LHX6: variants seen among roughly 807,000 people sequenced by gnomAD.
LHX6 encodes LIM homeobox 6.
In LHX6, 15 loss-of-function variants were observed where a neutral mutation model predicts 47.1. That is an observed-to-expected ratio of 0.32 (90% CI 0.21 to 0.49). The LOEUF is 0.49. Ranked by LOEUF, LHX6 falls within the 20% of genes least tolerant of loss-of-function variation. LHX6 has a pLI of 0.99. For synonymous variants in LHX6, 242 were observed against 233.5 expected, an observed-to-expected ratio of 1.04 and a Z score of -0.33; for missense variants, 404 against 539.6, an observed-to-expected ratio of 0.75 and a Z score of 2.49.
At position 122,214,263 on chromosome 9, in the gene LHX6, C is replaced by A; in HGVS notation, c.783+20G>T. ...TTCGGCCCGGCCCCCGCCCCCGCCGCCCACTGCTTGCAGCGGTACCTGCAG... is the reference window on the plus strand; with the variant it reads ...TTCGGCCCGGCCCCCGCCCCCGCCGACCACTGCTTGCAGCGGTACCTGCAG... On this transcript the variant is annotated intron_variant, in intron 6 of 9. Transcript: ENST00000394319. The surrounding 1 kb of genome is among the most constrained non-coding windows in gnomAD (Gnocchi z 4.6). The A allele has an allele frequency of 6.4e-7, 1 of 1,573,116 alleles. No homozygotes were observed. The highest frequency in any genetic ancestry group is 1.1e-5 in the South Asian group (1 of 86,992).
intron 4 of LHX6, among the ~76,000 whole-genome samples, chr9:122,220,177 C>G (rs1428535616): frequency 6.6e-6 from 1 of 152,242 alleles, no homozygotes; most frequent in Non-Finnish European, 1.5e-5. Context: ...AGGTCAGTCA[C>G]AGTGTCCTCA....
rs1039247770 is a variant in LHX6, at chr9:122,209,708, T to C, written c.1064A>G (p.Gln355Arg). 4.6e-6 allele frequency: 4 copies of C among 876,234 alleles called. No individual in the cohort carries two copies. The highest frequency in any genetic ancestry group is 1.7e-5 in the Admixed American group (1 of 59,094). 54.3% of individuals were successfully genotyped at this position (876,234 alleles called of 1,614,324 possible). Residue 355 changes from glutamine (Q) to arginine (R), a missense_variant, in exon 9 of 10, where the codon CAG (glutamine) becomes CGG (arginine). Gln to Arg is a conservative substitution (Grantham distance 43). This residue lies in a region of LHX6 where 127 missense variants were observed against 116.1 expected (regional missense o/e 1.09). Transcript: ENST00000394319. ...TLHGYIESQV[Q>R]CGQVHCRLPY... The stretch of plus-strand genomic sequence containing the variant: ...CAGCCGGCAGTGCACCTGCCCGCAC[T>C]GTACCTGACCTGTGGACGAGAGGAT...
In LHX6 at chr9:122,217,186, G is replaced by A. The variant is rs766789049; in HGVS notation, c.564C>T (p.Cys188=). The change falls in exon 5 of 10, where the codon TGC becomes TGT. Residue 188 remains cysteine, a synonymous_variant. Transcript: ENST00000394319. This position sits in a 1 kb window ranked among gnomAD's most constrained non-coding sequence, Gnocchi z 4.9. ...TGGACAGCTGGCGCTTGCACGAGAA[G>A]CAGGCGAAGCAGGCCAGGTGGTAGG... ...GNAYHLACFA[C]FSCKRQLSTG... is the part of the protein sequence containing the mutation. 1.9e-6 allele frequency: 3 copies of A among 1,614,248 alleles called. No individual in the cohort carries two copies. The South Asian group carries it at 3.3e-5, about 18-fold the overall frequency.
chr9:122,204,630 G>A lies in LHX6; in HGVS notation c.*130C>T. 8.8e-7 allele frequency: 1 copy of A among 1,141,492 alleles called. No homozygotes were observed. Among genetic ancestry groups the A allele is most frequent in the South Asian group, 1.6e-5 (1 of 63,280 alleles). 70.7% of individuals were successfully genotyped at this position (1,141,492 alleles called of 1,614,324 possible). On this transcript the variant is annotated 3_prime_UTR_variant, in exon 10 of 10. Coordinates refer to ENST00000394319, the MANE Select transcript of LHX6 (RefSeq NM_014368.5). ...CCAGGCCTCGGGAACCGACCTGGTG[G>A]TGGGCAGGATGGCGGACGGGGGTGG...
intron 9 of LHX6, among the ~76,000 whole-genome samples, chr9:122,205,841 G>A (rs1245087787): frequency 1.3e-5 from 2 of 152,042 alleles, no homozygotes; most frequent in African/African-American, 2.4e-5. Context: ...TGTAGAAACC[G>A]CAGCTCAGAG....
rs1164654543 is a variant in LHX6, at chr9:122,228,335, C to A, written c.84+322G>T. 8 of 1,534,000 alleles carry A rather than the reference C, an allele frequency of 5.2e-6. No individual in the cohort carries two copies. The Admixed American group carries it at 5.9e-5, about 11-fold the overall frequency. The stretch of plus-strand genomic sequence containing the variant: ...CCCCGCGTCGGGATTCTCAGCGCTG[C>A]GCCGGCACAACCCCCGGCGCATCGG... On this transcript the variant is annotated intron_variant, in intron 1 of 9. Transcript: ENST00000394319.
chr9:122,209,664 C>CG lies in LHX6; in HGVS notation c.1107dup (p.Val370ArgfsTer16). 1.5e-6 allele frequency: 2 copies of CG among 1,343,944 alleles called. No homozygotes were observed. The highest frequency in any genetic ancestry group is 2.1e-6 in the Non-Finnish European group (2 of 933,042). 83.3% of individuals were successfully genotyped at this position (1,343,944 alleles called of 1,614,324 possible). ...CCATCCATATCGGCTTTGAGGTGGA[C>CG]GGGGGGTGCGGTGTAAGGCAGCCGG... On this transcript the variant is annotated frameshift_variant, in exon 9 of 10. Coordinates refer to ENST00000394319, the MANE Select transcript of LHX6 (RefSeq NM_014368.5). LOFTEE classifies it high-confidence loss of function.
At chr9:122,206,806 G>A (rs1026082160) in intron 9 of LHX6, among the ~76,000 whole-genome samples, 1 of 151,984 alleles carries the variant, frequency 6.6e-6, no homozygotes, top group East Asian at 1.9e-4. Flanking sequence ...GGCCCCTGTC[G>A]GCTCTCCCCA....
rs1831138438 is a variant in LHX6 at position 122,227,173 on chromosome 9, T to C, written c.157-143A>G. The stretch of plus-strand genomic sequence containing the variant: ...TGCGCCGTAGACTGAAGGACAGGGA[T>C]GGAAGGGCCTATTGGAGAGGAAGGG... On this transcript the variant is annotated intron_variant, in intron 2 of 9. Transcript: ENST00000394319. The C allele has an allele frequency of 8.4e-6, 7 of 833,362 alleles. 1 individual carries two copies. In the South Asian group the frequency reaches 9.6e-5, roughly 11 times the overall value. The allele number at this position is 833,362 out of a possible 1,614,324, so 51.6% of individuals were successfully genotyped here.
chr9:122,228,257 C>A (rs976982001), intron 1 of LHX6: 5 of 1,534,520 alleles, frequency 3.3e-6, no homozygotes, highest in Non-Finnish European at 3.5e-6. Context: ...AAAAGAGAGG[C>A]GCTCAAGGGG....
chr9:122,219,094 G>A (rs1281732593), intron 4 of LHX6, among the ~76,000 whole-genome samples: 1 of 152,214 alleles, frequency 6.6e-6, no homozygotes, highest in Non-Finnish European at 1.5e-5. Flanking sequence ...TGTGCACGGA[G>A]GAAACAGTCC....
In LHX6 at chr9:122,217,711, G is replaced by A. The variant is rs1416575058; in HGVS notation, c.462-423C>T. Among the ~76,000 whole-genome samples the A allele has an allele frequency of 6.6e-6, 1 of 152,140 alleles. No individual in the cohort carries two copies. Among genetic ancestry groups the A allele is most frequent in the Non-Finnish European group, 1.5e-5 (1 of 68,030 alleles). ...AGGTGAGGAAAATGGGGACTAGAGA[G>A]GTAAAGTAACTTGCAGGAGGTCACA... On this transcript the variant is annotated intron_variant, in intron 4 of 9. Coordinates refer to ENST00000394319, the MANE Select transcript of LHX6 (RefSeq NM_014368.5). The surrounding 1 kb of genome is among the most constrained non-coding windows in gnomAD (Gnocchi z 4.9).
chr9:122,225,519 C>T (rs139156015), intron 4 of LHX6, among the ~76,000 whole-genome samples: 421 of 152,388 alleles, frequency 2.8e-3, no homozygotes, highest in African/African-American at 9.8e-3. Flanking sequence ...CGCCTGGCTG[C>T]TCTCGGCTGC....
chr9:122,222,170 A>G (rs892066973), intron 4 of LHX6, among the ~76,000 whole-genome samples: 1 of 152,160 alleles, frequency 6.6e-6, no homozygotes, highest in Non-Finnish European at 1.5e-5. Flanking sequence ...AGCAGGCATG[A>G]TGTTCCAGCA....
intron 9 of LHX6, among the ~76,000 whole-genome samples, chr9:122,207,438 A>G (rs764767981): frequency 5.3e-5 from 8 of 152,194 alleles, no homozygotes; most frequent in Non-Finnish European, 1.0e-4. Context: ...TTATCTCTTT[A>G]CAATGAGAAG....
At chr9:122,219,113 G>A (rs766460579) in intron 4 of LHX6, among the ~76,000 whole-genome samples, 1 of 152,206 alleles carries the variant, frequency 6.6e-6, no homozygotes, top group African/African-American at 2.4e-5. Context: ...CCGGCAAAAA[G>A]GCTCTGGTTA....
Position 122,213,609 on chromosome 9 carries a change from C to T in LHX6, c.1051G>A (p.Glu351Lys). The T allele has an allele frequency of 6.3e-7, 1 of 1,589,776 alleles. No individual in the cohort carries two copies. The highest frequency in any genetic ancestry group is 8.6e-7 in the Non-Finnish European group (1 of 1,168,892). ...TCCCGGCGCTGCGGTTACTTACTCT[C>T]AATGTAGCCGTGCAGGGTGACCATG... ...ARMVTLHGYIESQVQCGQVHC... is the reference protein window; with the variant it reads ...ARMVTLHGYIKSQVQCGQVHC... Residue 351 changes from glutamate to lysine, a missense_variant, in exon 8 of 10, where the codon GAG becomes AAG. By Grantham distance (56) the Glu-to-Lys change is moderately conservative. Around this residue, in one of 7 missense-constraint regions of LHX6, gnomAD observed 127 missense variants for 116.1 expected, o/e 1.09. Transcript: ENST00000394319. This position sits in a 1 kb window ranked among gnomAD's most constrained non-coding sequence, Gnocchi z 5.5.
At chr9:122,228,626 G>A (rs906012415) in intron 1 of LHX6, 31 bp downstream of exon 1, 1 of 1,305,966 alleles carries the variant, frequency 7.7e-7, no homozygotes, top group Non-Finnish European at 9.7e-7. Flanking sequence ...ACCCCGGCCC[G>A]GGCCGCTCAC....
chr9:122,207,951 C>A (rs898499617), intron 9 of LHX6, among the ~76,000 whole-genome samples: 19 of 152,164 alleles, frequency 1.2e-4, no homozygotes, highest in African/African-American at 3.6e-4. Context: ...ATCTGCTGAA[C>A]TGGAGGGCTC....
Sources: gnomAD v4.1 joint callset for allele counts (sites outside exome capture counted in the v4.1 genomes callset) on GRCh38, gnomAD v4.1.1 for gene constraint, gnomAD v4.1.1 regional missense constraint, Gnocchi (gnomAD v3.1) non-coding constraint, MANE v1.5 for transcripts, NCBI Gene and HGNC (gene_info 2026-07-23, HGNC 2026-07-21) for gene names.